The following MYO16 variants were observed in gnomAD, a reference collection of about 807,000 sequenced individuals.
MYO16 encodes myosin XVI, also known as unconventional myosin-XVI.
Under a neutral mutation model 205.3 loss-of-function variants are expected in MYO16, and 94 were observed. That is an observed-to-expected ratio of 0.46 (90% CI 0.39 to 0.54). The LOEUF is 0.54. Among genes scored for constraint, MYO16 ranks in the 20% least tolerant of loss-of-function variants. The pLI, the probability that MYO16 is intolerant of heterozygous loss-of-function variation, is 0.00. For synonymous variants in MYO16, 988 were observed against 954.0 expected (o/e 1.04, Z -0.66); for missense variants, 2,315 against 2,387.5 (o/e 0.97, Z 0.63).
intron 6 of MYO16, among the ~76,000 whole-genome samples, chr13:108,802,583 G>A (rs1277865915): frequency 6.6e-6 from 1 of 152,126 alleles, no homozygotes; most frequent in African/African-American, 2.4e-5. Flanking sequence ...CATTCCTTAG[G>A]ATATATACCA....
chr13:108,992,559 A>G (rs1884871762), intron 21 of MYO16, 111 bp downstream of exon 21: 3 of 625,586 alleles, frequency 4.8e-6, no homozygotes, highest in Non-Finnish European at 2.7e-6. Flanking sequence ...GAATTAAAAT[A>G]AGTACTCTAA....
rs564656253 is a variant in MYO16, at chr13:108,789,571, G to A, written c.616+3828G>A. On this transcript the variant is annotated intron_variant, in intron 5 of 34. Coordinates refer to ENST00000457511, the MANE Select transcript of MYO16 (RefSeq NM_001198950.3). ...GCATGACTACATAAGATGGTCGCAA[G>A]TCGTGCCTGCTGTTAGGGTTGGGAG... 2.6e-5 allele frequency among the ~76,000 whole-genome samples: 4 copies of A among 152,340 alleles called. No individual in the cohort carries two copies. The South Asian group carries it at 8.3e-4, about 32-fold the overall frequency.
chr13:108,938,689 G>A (rs1882595016), intron 16 of MYO16, among the ~76,000 whole-genome samples: 1 of 152,228 alleles, frequency 6.6e-6, no homozygotes, highest in Non-Finnish European at 1.5e-5. Context: ...CAGGCAAGCA[G>A]GTGCTGTGAA....
intron 16 of MYO16, among the ~76,000 whole-genome samples, chr13:108,920,290 CTCTT>C (rs973572355): frequency 4.7e-5 from 7 of 149,650 alleles, no homozygotes; most frequent in Admixed American, 4.6e-4. Context: ...TTTTCTCTTT[CTCTT>C]TCTTTCTCTT....
At chr13:109,189,235 C>G (rs1272468715) in intron 34 of MYO16, among the ~76,000 whole-genome samples, 1 of 152,136 alleles carries the variant, frequency 6.6e-6, no homozygotes, top group East Asian at 1.9e-4. Context: ...TGGTGCCCAC[C>G]CAGATCAAGG....
chr13:109,203,390 G>A (rs1465554353), intron 34 of MYO16, among the ~76,000 whole-genome samples: 1 of 151,060 alleles, frequency 6.6e-6, no homozygotes, highest in Non-Finnish European at 1.5e-5. Flanking sequence ...ATTTTCGAGG[G>A]GTATTTTTTA....
intron 23 of MYO16, among the ~76,000 whole-genome samples, chr13:109,040,105 A>G (rs1438923653): frequency 6.6e-6 from 1 of 152,068 alleles, no homozygotes; most frequent in Non-Finnish European, 1.5e-5. Flanking sequence ...CAAAAAACAC[A>G]AGCTACTTCA....
intron 32 of MYO16, among the ~76,000 whole-genome samples, chr13:109,160,125 C>A (rs1878304693): frequency 2.0e-5 from 3 of 152,210 alleles, no homozygotes. Context: ...ACGTCAGTAG[C>A]ACACCCCATC....
the MYO16 span, among the ~76,000 whole-genome samples, chr13:108,525,545 T>C: frequency 6.6e-6 from 1 of 152,194 alleles, no homozygotes; most frequent in African/African-American, 2.4e-5. Context: ...CCCCCCAGTT[T>C]TGATGACTAA....
chr13:109,082,408 A>C (rs1432299485), intron 27 of MYO16, among the ~76,000 whole-genome samples: 1 of 152,252 alleles, frequency 6.6e-6, no homozygotes, highest in East Asian at 1.9e-4. Context: ...TTGTGAAAAA[A>C]TATATTTTGA....
chr13:109,023,215 A>G (rs868657993), intron 23 of MYO16, among the ~76,000 whole-genome samples: 2 of 114,040 alleles, frequency 1.8e-5, no homozygotes, highest in Non-Finnish European at 3.4e-5. Flanking sequence ...AAATTTATGT[A>G]TATATTTATA....
chr13:108,679,723 T>A (rs9555492), intron 2 of MYO16, among the ~76,000 whole-genome samples: 25,681 of 138,678 alleles, frequency 0.19, 2,372 homozygotes, highest in Non-Finnish European at 0.21. Flanking sequence ...AAAAAAAAAA[T>A]AATAATAATA....
chr13:109,026,418 C>G (rs953335427), intron 23 of MYO16, among the ~76,000 whole-genome samples: 2 of 151,910 alleles, frequency 1.3e-5, no homozygotes, highest in Admixed American at 1.3e-4. Context: ...CCTGGAACTC[C>G]CAGAAGTTGG....
At chr13:108,538,593 G>T in the MYO16 span, among the ~76,000 whole-genome samples, 1 of 152,030 alleles carries the variant, frequency 6.6e-6, no homozygotes, top group Non-Finnish European at 1.5e-5. Context: ...AGAGGTAGAG[G>T]AACCTATGGG....
At chr13:108,671,895 G>T (rs943262027) in intron 2 of MYO16, among the ~76,000 whole-genome samples, 1 of 152,050 alleles carries the variant, frequency 6.6e-6, no homozygotes, top group African/African-American at 2.4e-5. Flanking sequence ...CCCTCCCAAA[G>T]GCTACAACTC....
intron 6 of MYO16, among the ~76,000 whole-genome samples, chr13:108,799,008 G>C (rs1226609863): frequency 2.0e-5 from 3 of 152,152 alleles, no homozygotes. Context: ...CCCGGCCCCC[G>C]AGGCTTATTT....
At chr13:108,813,818 C>T (rs1399862839) in intron 7 of MYO16, among the ~76,000 whole-genome samples, 1 of 152,110 alleles carries the variant, frequency 6.6e-6, no homozygotes, top group Non-Finnish European at 1.5e-5. Flanking sequence ...TCTACCTGCT[C>T]ACATTTTAAG....
At chr13:108,735,332 A>G (rs1394543085) in intron 4 of MYO16, among the ~76,000 whole-genome samples, 1 of 147,638 alleles carries the variant, frequency 6.8e-6, no homozygotes, top group Non-Finnish European at 1.5e-5. Flanking sequence ...TCATTGTTCA[A>G]TTCCCACCTA....
chr13:108,591,291 A>G (rs1000830626), upstream of MYO16, among the ~76,000 whole-genome samples: 1 of 152,218 alleles, frequency 6.6e-6, no homozygotes, highest in Admixed American at 6.5e-5. Context: ...AATAATTTGT[A>G]AAATGTGTAA....
Sources: allele counts gnomAD v4.1 joint callset (sites outside exome capture counted in the v4.1 genomes callset), GRCh38; gene constraint gnomAD v4.1.1; transcripts MANE v1.5; gene names NCBI Gene and HGNC (gene_info 2026-07-23, HGNC 2026-07-21).